The following GRID2 variants were observed in gnomAD, a reference collection of about 807,000 sequenced individuals.
GRID2 encodes the protein glutamate receptor ionotropic, delta-2.
Under a neutral mutation model 114.8 loss-of-function variants are expected in GRID2, and 33 were observed. The observed-to-expected ratio is 0.29, with a 90% CI of 0.22 to 0.38. The LOEUF (loss-of-function observed/expected upper bound fraction) is 0.38. GRID2 is among the 10% of genes least tolerant of loss of function. The pLI is 1.00. For synonymous variants in GRID2, 505 were observed against 449.9 expected (o/e 1.12, Z -1.55); for missense variants, 1,184 against 1,257.7 (o/e 0.94, Z 0.89).
chr4:93,712,046 T>C (rs1728532384), intron 14 of GRID2, among the ~76,000 whole-genome samples: 1 of 152,174 alleles, frequency 6.6e-6, no homozygotes, highest in African/African-American at 2.4e-5. Context: ...GGGATAAGAT[T>C]CCTTTGTTGT....
At chr4:93,466,878 A>G (rs1315305258) in intron 11 of GRID2, among the ~76,000 whole-genome samples, 1 of 152,236 alleles carries the variant, frequency 6.6e-6, no homozygotes, top group East Asian at 1.9e-4. Flanking sequence ...TAGAAACATA[A>G]CCTATGTTAA....
chr4:93,802,043 G>A (rs1260463951), intron 1 of GRID2, among the ~76,000 whole-genome samples: 1 of 152,202 alleles, frequency 6.6e-6, no homozygotes. Context: ...ATCCAGGCCT[G>A]GAGCTTTCTG....
intron 11 of GRID2, among the ~76,000 whole-genome samples, chr4:93,461,658 A>G (rs1400351381): frequency 6.6e-6 from 1 of 152,134 alleles, no homozygotes; most frequent in Non-Finnish European, 1.5e-5. Context: ...TAGCTCAGGG[A>G]ATCCAACTGT....
chr4:93,044,914 G>A (rs1178843410), intron 2 of GRID2, among the ~76,000 whole-genome samples: 1 of 152,014 alleles, frequency 6.6e-6, no homozygotes, highest in African/African-American at 2.4e-5. Flanking sequence ...TATGGCTTTA[G>A]GACACTCAGA....
chr4:92,671,328 C>A (rs1264745974), intron 2 of GRID2, among the ~76,000 whole-genome samples: 5 of 152,050 alleles, frequency 3.3e-5, no homozygotes, highest in African/African-American at 4.8e-5. Context: ...CCACCGCCAA[C>A]ACTTGGGATC....
intron 2 of GRID2, among the ~76,000 whole-genome samples, chr4:92,622,536 T>C (rs1017047984): frequency 6.6e-6 from 1 of 151,796 alleles, no homozygotes. Flanking sequence ...GGAATAATAC[T>C]ATTTTTTCCC....
intron 1 of GRID2, among the ~76,000 whole-genome samples, chr4:92,567,717 A>G (rs991565248): frequency 6.6e-6 from 1 of 152,012 alleles, no homozygotes; most frequent in Admixed American, 6.6e-5. Flanking sequence ...TACATACTTT[A>G]AGTATTCTTT....
Position 92,632,636 on chromosome 4 carries a change from GAAAGA to G in GRID2, c.244+42358_244+42362del, listed in dbSNP as rs560794433. Among the ~76,000 whole-genome samples, 161 of 150,328 alleles carry G rather than the reference GAAAGA, an allele frequency of 1.1e-3. 1 individual carries two copies. The highest frequency in any genetic ancestry group is 3.4e-3 in the Middle Eastern group (1 of 294). ...CACGGAGCGAGATTCTGTCTCGAAAGAAAGAAAAGAAAGGAAAGGAAGGGAAGAAG... is the reference window on the plus strand; with the variant it reads ...CACGGAGCGAGATTCTGTCTCGAAAGAAAGAAAGGAAAGGAAGGGAAGAAG... On this transcript the variant is annotated intron_variant, in intron 2 of 15. Coordinates refer to ENST00000282020, the MANE Select transcript of GRID2 (RefSeq NM_001510.4).
intron 1 of GRID2, among the ~76,000 whole-genome samples, chr4:92,344,917 C>T (rs1044659635): frequency 3.9e-5 from 6 of 151,946 alleles, no homozygotes; most frequent in Non-Finnish European, 7.4e-5. Context: ...TTTGTGGGTC[C>T]AGGTAGTTTT....
intron 1 of GRID2, among the ~76,000 whole-genome samples, chr4:92,578,732 C>CT (rs1383963154): frequency 6.6e-6 from 1 of 151,294 alleles, no homozygotes; most frequent in African/African-American, 2.4e-5. Flanking sequence ...ATCTATCTAT[C>CT]AATCTATCTA....
intron 1 of GRID2, among the ~76,000 whole-genome samples, chr4:92,416,670 C>T (rs1233908452): frequency 6.6e-6 from 1 of 152,012 alleles, no homozygotes; most frequent in Admixed American, 6.6e-5. Context: ...TGTCCTTTTG[C>T]CACTTCATGT....
At chr4:93,568,944 C>A (rs898280543) in intron 13 of GRID2, among the ~76,000 whole-genome samples, 1 of 152,146 alleles carries the variant, frequency 6.6e-6, no homozygotes, top group Admixed American at 6.6e-5. Flanking sequence ...CAACCCTGCG[C>A]AAGATTTACT....
intron 13 of GRID2, among the ~76,000 whole-genome samples, chr4:93,523,519 C>T (rs927368758): frequency 3.3e-5 from 5 of 152,082 alleles, no homozygotes; most frequent in African/African-American, 7.2e-5. Context: ...TCAAGGGATG[C>T]GCAGATCCAT....
intron 1 of GRID2, among the ~76,000 whole-genome samples, chr4:92,566,233 A>G (rs1344572852): frequency 1.3e-5 from 2 of 152,052 alleles, no homozygotes; most frequent in African/African-American, 2.4e-5. Flanking sequence ...TATGATTTTC[A>G]TGCATAGAAA....
chr4:92,535,988 T>C (rs1296014248), intron 1 of GRID2, among the ~76,000 whole-genome samples: 2 of 152,118 alleles, frequency 1.3e-5, no homozygotes, highest in African/African-American at 4.8e-5. Context: ...TGGTGAGTGT[T>C]ATAGCTCATT....
chr4:92,607,539 T>G (rs538901089), intron 2 of GRID2, among the ~76,000 whole-genome samples: 49 of 151,994 alleles, frequency 3.2e-4, no homozygotes, highest in Admixed American at 2.8e-3. Flanking sequence ...GCTTGGTAAC[T>G]TTCTGTCACC....
chr4:93,318,255 T>A (rs1756889315), intron 8 of GRID2, among the ~76,000 whole-genome samples: 2 of 151,554 alleles, frequency 1.3e-5, no homozygotes, highest in South Asian at 2.1e-4. Flanking sequence ...AAATACATGA[T>A]GACCTGGAAA....
rs760001805 is a variant in GRID2, at chr4:93,750,751, G to A, written c.2361-18459G>A. ...AGACTGGGTGACAGCACAAGACTCCGTCTCAAAAAAAACAAAAAGGTGGTC... is the reference window on the plus strand; with the variant it reads ...AGACTGGGTGACAGCACAAGACTCCATCTCAAAAAAAACAAAAAGGTGGTC... On this transcript the variant is annotated intron_variant, in intron 14 of 15. Coordinates refer to ENST00000282020, the MANE Select transcript of GRID2 (RefSeq NM_001510.4). Among the ~76,000 whole-genome samples the A allele has an allele frequency of 7.4e-4, 111 of 150,840 alleles. 1 individual carries two copies. Among genetic ancestry groups the A allele is most frequent in the Non-Finnish European group, 1.4e-3 (92 of 67,786 alleles).
intron 1 of GRID2, among the ~76,000 whole-genome samples, chr4:92,452,818 GTTTACCATATATATATA>G (rs201021813): frequency 0.067 from 9,301 of 139,746 alleles, 392 homozygotes; most frequent in Middle Eastern, 0.13. Context: ...TATAATATAT[GTTTACCATATATATATA>G]TTTACCATAT....
Sources: allele counts gnomAD v4.1 joint callset (sites outside exome capture counted in the v4.1 genomes callset), GRCh38; gene constraint gnomAD v4.1.1; transcripts MANE v1.5; gene names NCBI Gene and HGNC (gene_info 2026-07-23, HGNC 2026-07-21).